The following ZGRF1 variants were observed in gnomAD, a reference collection of about 807,000 sequenced individuals.
The protein encoded by ZGRF1 is zinc finger GRF-type containing 1.
In ZGRF1, 196 loss-of-function variants were observed where a neutral mutation model predicts 203.5. The ratio of observed to expected loss-of-function variants is 0.96; its 90% CI spans 0.86 to 1.08. The LOEUF is 1.08. ZGRF1 is among the 50% of genes least tolerant of loss of function. The pLI is 0.00. For missense variants in ZGRF1, 2,326 were observed against 2,416.3 expected, an observed-to-expected ratio of 0.96 and a Z score of 0.78; for synonymous variants, 809 against 841.3, an observed-to-expected ratio of 0.96 and a Z score of 0.66.
Position 112,548,357 on chromosome 4 carries a change from AC to A in ZGRF1, c.5369del (p.Cys1790LeufsTer9). 1 of 1,555,368 alleles carries A rather than the reference AC, an allele frequency of 6.4e-7. No homozygotes were observed. The highest frequency in any genetic ancestry group is 8.7e-7 in the Non-Finnish European group (1 of 1,148,824). ...TCATGCATGGGAATGGGCAGGCTGC[AC>A]AGGTAACTCCAACTACTCGAACCTT... The part of the protein sequence containing the change: ...LKQVRVVGVT[C>X]AACPFPCMND... On this transcript the variant is annotated frameshift_variant, in exon 23 of 28. Transcript: ENST00000505019. LOFTEE classifies it high-confidence loss of function.
At chr4:112,564,263 C>T (rs1578290357) in intron 16 of ZGRF1, among the ~76,000 whole-genome samples, 1 of 152,296 alleles carries the variant, frequency 6.6e-6, no homozygotes, top group African/African-American at 2.4e-5. Context: ...CCTTCCTCCT[C>T]TCTTGTAACT....
chr4:112,619,642 T>C lies in ZGRF1; in HGVS notation c.400A>G (p.Ser134Gly), dbSNP rs1222589233. 1 of 1,612,462 alleles carries C rather than the reference T, an allele frequency of 6.2e-7. No individual in the cohort carries two copies. Among genetic ancestry groups the C allele is most frequent in the South Asian group, 1.1e-5 (1 of 90,612 alleles). The change falls in exon 6 of 28, where the codon AGT (serine) becomes GGT (glycine). Residue 134 changes from serine to glycine, a missense_variant. By Grantham distance (56) the Ser-to-Gly change is moderately conservative. Coordinates refer to ENST00000505019, the MANE Select transcript of ZGRF1 (RefSeq NM_018392.5). ...QVPKKMVIME[S>G]GESAASHEAK... ...TCATGTGATGCAGCTGATTCACCAC[T>C]TTCCATAATAACCATTTTCTTTGGA...
At chr4:112,545,630 G>A (rs1738592847) in intron 24 of ZGRF1, among the ~76,000 whole-genome samples, 1 of 152,108 alleles carries the variant, frequency 6.6e-6, no homozygotes, top group East Asian at 1.9e-4. Context: ...ATACTTCTGG[G>A]TATGTATTGA....
intron 24 of ZGRF1, among the ~76,000 whole-genome samples, chr4:112,543,586 G>A (rs1384560400): frequency 2.0e-5 from 3 of 152,114 alleles, no homozygotes; most frequent in East Asian, 1.9e-4. Context: ...ATAGGTACAT[G>A]AAAAAGGGCA....
At chr4:112,611,970 G>GTT (rs199641683) in intron 7 of ZGRF1, among the ~76,000 whole-genome samples, 3 of 143,940 alleles carry the variant, frequency 2.1e-5, no homozygotes, top group South Asian at 2.2e-4. Context: ...GTGGGGTTTT[G>GTT]TTTTTTTTTT....
intron 18 of ZGRF1, chr4:112,561,618 T>C (rs1741996159): frequency 6.6e-6 from 1 of 152,386 alleles, no homozygotes; most frequent in African/African-American, 2.4e-5. Flanking sequence ...TTAATGCATT[T>C]AATATAATAT....
chr4:112,603,858 T>C (rs1235873735), intron 9 of ZGRF1, among the ~76,000 whole-genome samples, 161 bp from the exon 10 acceptor site: 7 of 152,212 alleles, frequency 4.6e-5, no homozygotes, highest in Admixed American at 4.6e-4. Flanking sequence ...TCTCCTATTA[T>C]CCTAAAACAT....
In ZGRF1 at chr4:112,618,022, CAT is replaced by C. The variant is rs1320825863; in HGVS notation, c.2018_2019del (p.Tyr673Ter). On this transcript the variant is annotated frameshift_variant, in exon 6 of 28. Transcript: ENST00000505019. LOFTEE classifies it high-confidence loss of function. Reference protein sequence around the residue: ...NKPIQEVRINYDFALPPNKSK... With the variant: ...NKPIQEVRINXDFALPPNKSK... Reference sequence around the variant, plus strand: ...GATTTATTCGGGGGTAAAGCAAAATCATAGTTAATTCTGACTTCTTGAATAGG... The same window carrying C: ...GATTTATTCGGGGGTAAAGCAAAATCAGTTAATTCTGACTTCTTGAATAGG... 6.2e-7 allele frequency: 1 copy of C among 1,612,686 alleles called. No homozygotes were observed. The highest frequency in any genetic ancestry group is 1.7e-5 in the Admixed American group (1 of 59,924).
At chr4:112,614,686 G>A (rs573863537) in intron 6 of ZGRF1, among the ~76,000 whole-genome samples, 11 of 152,016 alleles carry the variant, frequency 7.2e-5, no homozygotes, top group Non-Finnish European at 1.5e-4. Context: ...AATTAGTTGG[G>A]TGTGGTGGCA....
chr4:112,626,909 G>A (rs530522467), intron 3 of ZGRF1, among the ~76,000 whole-genome samples: 105 of 152,154 alleles, frequency 6.9e-4, no homozygotes, highest in African/African-American at 2.4e-3. Context: ...AGATTCAAGC[G>A]ATTCTTGGGC....
chr4:112,588,359 C>T (rs928216723), intron 11 of ZGRF1, among the ~76,000 whole-genome samples: 2 of 152,142 alleles, frequency 1.3e-5, no homozygotes, highest in Non-Finnish European at 2.9e-5. Flanking sequence ...TTTATATCTA[C>T]TTTACATTCT....
intron 22 of ZGRF1, among the ~76,000 whole-genome samples, chr4:112,551,266 T>C (rs1403372872): frequency 1.3e-5 from 2 of 152,256 alleles, no homozygotes; most frequent in Non-Finnish European, 2.9e-5. Flanking sequence ...TAGTAGGCTA[T>C]ACCATCTAGG....
Position 112,585,562 on chromosome 4 carries a change from A to C in ZGRF1, c.4080T>G (p.Val1360=). The C allele has an allele frequency of 6.2e-7, 1 of 1,610,478 alleles. No individual in the cohort carries two copies. The highest frequency in any genetic ancestry group is 8.5e-7 in the Non-Finnish European group (1 of 1,178,766). The part of the protein sequence containing the change: ...HHSQPAKLVM[V]KKEGPNKGRL... Reference sequence around the variant, plus strand: ...ATACCTTATTTGGACCTTCCTTTTTAACCATGACAAGTTTTGCAGGTTGAC... The same window carrying C: ...ATACCTTATTTGGACCTTCCTTTTTCACCATGACAAGTTTTGCAGGTTGAC... The change falls in exon 14 of 28, where the codon GTT becomes GTG. Residue 1360 remains valine (V), a synonymous_variant. Coordinates refer to ENST00000505019, the MANE Select transcript of ZGRF1 (RefSeq NM_018392.5).
chr4:112,592,288 G>A (rs1748316438), intron 10 of ZGRF1, among the ~76,000 whole-genome samples: 1 of 151,896 alleles, frequency 6.6e-6, no homozygotes, highest in African/African-American at 2.4e-5. Flanking sequence ...AGTAGAGACG[G>A]GGTTTCACCA....
intron 16 of ZGRF1, among the ~76,000 whole-genome samples, chr4:112,567,929 A>C (rs1743435051): frequency 1.3e-5 from 2 of 152,292 alleles, no homozygotes; most frequent in Non-Finnish European, 2.9e-5. Flanking sequence ...TCAAAAATTA[A>C]AAAACAAAAA....
Position 112,554,057 on chromosome 4 carries a change from CT to C in ZGRF1, c.5199-76del, listed in dbSNP as rs1212662961. ...CACAGTAAAGCAAAATATAGATTTT[CT>C]TTTTTTTATTATACTTTAAGTTTTA... On this transcript the variant is annotated intron_variant, in intron 21 of 27. Transcript: ENST00000505019. 3.7e-5 allele frequency: 50 copies of C among 1,351,158 alleles called. No individual in the cohort carries two copies. The Admixed American group carries it at 5.8e-4, about 16-fold the overall frequency. The allele number at this position is 1,351,158 out of a possible 1,614,324, so 83.7% of individuals were successfully genotyped here.
At chr4:112,571,900 A>C (rs1018364077) in intron 16 of ZGRF1, among the ~76,000 whole-genome samples, 1 of 152,360 alleles carries the variant, frequency 6.6e-6, no homozygotes, top group African/African-American at 2.4e-5. Context: ...TAATTAAGGC[A>C]GTGTGGAACT....
chr4:112,549,177 A>G (rs1224206245), intron 22 of ZGRF1, among the ~76,000 whole-genome samples: 4 of 152,176 alleles, frequency 2.6e-5, no homozygotes, highest in Admixed American at 6.5e-5. Flanking sequence ...ATGTACTCAT[A>G]GCCTGTAAGT....
At chr4:112,547,844 T>C (rs1253339383) in intron 23 of ZGRF1, among the ~76,000 whole-genome samples, 1 of 152,184 alleles carries the variant, frequency 6.6e-6, no homozygotes, top group Non-Finnish European at 1.5e-5. Flanking sequence ...AAATCAAAGT[T>C]TTATAAACAA....
Sources: allele counts gnomAD v4.1 joint callset (sites outside exome capture counted in the v4.1 genomes callset), GRCh38; gene constraint gnomAD v4.1.1; transcripts MANE v1.5; gene names NCBI Gene and HGNC (gene_info 2026-07-23, HGNC 2026-07-21).